TPRG1: variants seen among roughly 807,000 people sequenced by gnomAD.
The protein encoded by TPRG1 is tumor protein p63-regulated gene 1 protein.
In TPRG1, 29 loss-of-function variants were observed where a neutral mutation model predicts 29.3. That is an observed-to-expected ratio of 0.99 (90% confidence interval 0.74 to 1.35). TPRG1 has a LOEUF of 1.35. Ranked by LOEUF, TPRG1 falls within the 40% of genes most tolerant of loss-of-function variation. TPRG1 has a pLI of 0.00. For synonymous variants in TPRG1, 130 were observed against 116.8 expected (o/e 1.11, Z -0.73); for missense variants, 327 against 335.0 (o/e 0.98, Z 0.19).
At chr3:189,219,361 A>G (rs905456318) in intron 3 of TPRG1, among the ~76,000 whole-genome samples, 1 of 152,176 alleles carries the variant, frequency 6.6e-6, no homozygotes, top group African/African-American at 2.4e-5. Flanking sequence ...GCTAGATCCC[A>G]GTTTAGCTGA....
intron 4 of TPRG1, among the ~76,000 whole-genome samples, chr3:189,294,487 C>T (rs1719542468): frequency 6.6e-6 from 1 of 152,100 alleles, no homozygotes; most frequent in South Asian, 2.1e-4. Context: ...TTTACTGAAA[C>T]ACTCATTAGT....
intron 4 of TPRG1, among the ~76,000 whole-genome samples, chr3:189,265,003 G>T: frequency 6.6e-6 from 1 of 152,274 alleles, no homozygotes; most frequent in Non-Finnish European, 1.5e-5. Flanking sequence ...GCAAAACATG[G>T]CCAGCAAATA....
intron 3 of TPRG1, among the ~76,000 whole-genome samples, chr3:189,019,771 C>G (rs1453184306): frequency 1.3e-5 from 2 of 150,930 alleles, no homozygotes. Flanking sequence ...AGGATTCCCT[C>G]TTTTTCTATT....
intron 4 of TPRG1, among the ~76,000 whole-genome samples, chr3:189,289,098 C>T (rs1718563485): frequency 6.6e-6 from 1 of 152,212 alleles, no homozygotes; most frequent in Non-Finnish European, 1.5e-5. Context: ...TGATGGGAAA[C>T]ACACTGCACC....
intron 4 of TPRG1, among the ~76,000 whole-genome samples, chr3:189,092,511 G>A (rs1475670995): frequency 1.3e-5 from 2 of 149,166 alleles, no homozygotes; most frequent in Non-Finnish European, 3.0e-5. Flanking sequence ...GTATTTCTTA[G>A]GTCTGTGGCT....
intron 1 of TPRG1, among the ~76,000 whole-genome samples, chr3:189,113,606 A>G (rs1720812884): frequency 6.6e-6 from 1 of 152,086 alleles, no homozygotes; most frequent in African/African-American, 2.4e-5. Flanking sequence ...AATTTTGTCA[A>G]AGGCCTTTTC....
chr3:189,021,986 C>G, intron 3 of TPRG1, among the ~76,000 whole-genome samples: 1 of 152,106 alleles, frequency 6.6e-6, no homozygotes. Context: ...TTCATTTCAT[C>G]TTCCATTACT....
chr3:189,267,393 T>C (rs953348836), intron 4 of TPRG1, among the ~76,000 whole-genome samples: 1 of 152,188 alleles, frequency 6.6e-6, no homozygotes, highest in Non-Finnish European at 1.5e-5. Context: ...TGAGATCTAA[T>C]TGGGAACTAA....
chr3:188,998,045 A>T (rs848987), intron 1 of TPRG1, among the ~76,000 whole-genome samples: 11 of 152,232 alleles, frequency 7.2e-5, no homozygotes, highest in African/African-American at 2.6e-4. Flanking sequence ...AAAAACATAC[A>T]AAGTTCTTGC....
intron 3 of TPRG1, among the ~76,000 whole-genome samples, chr3:189,231,125 G>A (rs953190021): frequency 6.6e-6 from 1 of 151,980 alleles, no homozygotes; most frequent in African/African-American, 2.4e-5. Context: ...TATAATGCAT[G>A]GTCTGTATTT....
chr3:189,057,840 A>G (rs1042297097), intron 4 of TPRG1, among the ~76,000 whole-genome samples: 1 of 111,370 alleles, frequency 9.0e-6, no homozygotes, highest in Non-Finnish European at 1.6e-5. Context: ...ACACATATGT[A>G]TGTGTGTATA....
At chr3:189,018,940 C>A (rs1380403979) in intron 3 of TPRG1, among the ~76,000 whole-genome samples, 6 of 151,978 alleles carry the variant, frequency 3.9e-5, no homozygotes, top group Non-Finnish European at 8.8e-5. Context: ...TTGAAGAGGT[C>A]CTTCACATCC....
chr3:189,017,799 C>T lies in TPRG1; in HGVS notation c.-659-5951C>T, dbSNP rs1012971076. 2.4e-4 allele frequency among the ~76,000 whole-genome samples: 37 copies of T among 152,232 alleles called. No individual in the cohort carries two copies. The East Asian group carries it at 3.3e-3, about 14-fold the overall frequency. ...TTCTAGTTCTAGATCCCTGAGGAAT[C>T]GCCACACTGACTTCCACAAGGGATG... On this transcript the variant is annotated intron_variant, in intron 3 of 10. Coordinates refer to the TPRG1 transcript ENST00000433971.
intron 1 of TPRG1, among the ~76,000 whole-genome samples, chr3:189,110,556 T>C (rs1260645770): frequency 2.0e-5 from 3 of 152,062 alleles, no homozygotes; most frequent in South Asian, 2.1e-4. Flanking sequence ...AGGTAAAATA[T>C]GTAAAAAAAA....
intron 2 of TPRG1, among the ~76,000 whole-genome samples, chr3:189,213,337 C>T (rs968378123): frequency 5.9e-5 from 9 of 151,956 alleles, no homozygotes; most frequent in African/African-American, 2.2e-4. Flanking sequence ...CCTTGATGTC[C>T]CAGACACAAG....
chr3:189,107,973 G>A (rs1281668486), intron 1 of TPRG1, among the ~76,000 whole-genome samples: 1 of 151,946 alleles, frequency 6.6e-6, no homozygotes, highest in African/African-American at 2.4e-5. Flanking sequence ...TTTATAGGCC[G>A]TTTAAACCAA....
intron 1 of TPRG1, among the ~76,000 whole-genome samples, chr3:189,183,757 A>C (rs1648270835): frequency 6.6e-6 from 1 of 151,976 alleles, no homozygotes; most frequent in African/African-American, 2.4e-5. Flanking sequence ...TGTTTCCCAA[A>C]CATTGTTGTT....
chr3:189,093,910 T>C (rs1423511794), intron 4 of TPRG1, among the ~76,000 whole-genome samples: 1 of 152,166 alleles, frequency 6.6e-6, no homozygotes, highest in Non-Finnish European at 1.5e-5. Flanking sequence ...GATAATATTA[T>C]TCTGGATAAA....
chr3:189,145,359 TAAA>T (rs58210295), intron 3 of TPRG1, among the ~76,000 whole-genome samples: 1 of 107,384 alleles, frequency 9.3e-6, no homozygotes, highest in African/African-American at 3.4e-5. Context: ...AGACTCCATC[TAAA>T]AAAAAAAAAA....
Sources: gnomAD v4.1 joint callset for allele counts (sites outside exome capture counted in the v4.1 genomes callset) on GRCh38, gnomAD v4.1.1 for gene constraint, MANE v1.5 for transcripts, NCBI Gene and HGNC (gene_info 2026-07-23, HGNC 2026-07-21) for gene names.